PCCB: variants seen among roughly 807,000 people sequenced by gnomAD.
PCCB encodes the protein propionyl-CoA carboxylase beta chain, mitochondrial.
A neutral mutation model predicts 60.7 loss-of-function variants in PCCB; 43 were observed. The ratio of observed to expected loss-of-function variants is 0.71; its 90% CI spans 0.55 to 0.91. The LOEUF (loss-of-function observed/expected upper bound fraction) is 0.91, where lower values mean the gene tolerates loss of function less well. PCCB is among the 40% of genes least tolerant of loss of function. The pLI, the probability that PCCB is intolerant of heterozygous loss-of-function variation, is 0.00. For missense variants in PCCB, 766 were observed against 702.8 expected (o/e 1.09, Z -1.02); for synonymous variants, 276 against 255.9 (o/e 1.08, Z -0.75).
Position 136,255,959 on chromosome 3 carries a change from C to T in PCCB, c.287C>T (p.Ala96Val). 1 of 1,614,098 alleles carries T rather than the reference C, an allele frequency of 6.2e-7. No homozygotes were observed. Among genetic ancestry groups the T allele is most frequent in the South Asian group, 1.1e-5 (1 of 91,082 alleles). The change falls in exon 2 of 15, where the codon GCT (alanine) becomes GTT (valine). Residue 96 changes from alanine (A) to valine (V), a missense_variant. Coordinates refer to ENST00000251654, the MANE Select transcript of PCCB (RefSeq NM_000532.5). Reference sequence around the variant, plus strand: ...CACAGATGTGCAGATTTTGGAATGGCTGCTGATAAGAATAAGGTATTTGTT... The same window carrying T: ...CACAGATGTGCAGATTTTGGAATGGTTGCTGATAAGAATAAGGTATTTGTT... ...VEHRCADFGM[A>V]ADKNKFPGDS...
chr3:136,256,839 C>T (rs559282544), intron 3 of PCCB, among the ~76,000 whole-genome samples: 1 of 152,254 alleles, frequency 6.6e-6, no homozygotes, highest in Non-Finnish European at 1.5e-5. Context: ...AGGGCACTAG[C>T]CTTGTACAAA....
chr3:136,266,965 C>T (rs1279108712), intron 5 of PCCB, among the ~76,000 whole-genome samples: 1 of 152,166 alleles, frequency 6.6e-6, no homozygotes, highest in South Asian at 2.1e-4. Flanking sequence ...TCACTGCAAC[C>T]TCCACTTCCT....
chr3:136,260,667 C>G (rs949570683), intron 4 of PCCB, 132 bp downstream of exon 4: 1 of 761,084 alleles, frequency 1.3e-6, no homozygotes, highest in East Asian at 2.7e-5. Flanking sequence ...GTGCTACCAA[C>G]CCGAAGGGGT....
intron 6 of PCCB, 119 bp downstream of exon 6, chr3:136,284,066 A>T (rs1488529199): frequency 1.4e-6 from 1 of 730,272 alleles, no homozygotes; most frequent in East Asian, 2.6e-5. Flanking sequence ...GGCTTTCAGC[A>T]TAGTGATGAT....
At chr3:136,278,082 C>T (rs988071584) in intron 5 of PCCB, among the ~76,000 whole-genome samples, 1 of 152,158 alleles carries the variant, frequency 6.6e-6, no homozygotes, top group African/African-American at 2.4e-5. Context: ...CTGTGAGGTA[C>T]AATAAAGAAT....
rs1174277062 is a variant in PCCB, at chr3:136,326,924, A to G, written c.1198+14A>G. 2 of 1,522,818 alleles carry G rather than the reference A, an allele frequency of 1.3e-6. No homozygotes were observed. Among genetic ancestry groups the G allele is most frequent in the East Asian group, 4.5e-5 (2 of 44,460 alleles). 94.3% of individuals were successfully genotyped at this position (1,522,818 alleles called of 1,614,324 possible). ...GCTTTCTACCTGGTAAGTTTTTGACAGAGTGGGGGCTAGGAGAGTTGCCTT... is the reference window on the plus strand; with the variant it reads ...GCTTTCTACCTGGTAAGTTTTTGACGGAGTGGGGGCTAGGAGAGTTGCCTT... On this transcript the variant is annotated intron_variant, in intron 11 of 14. Transcript: ENST00000251654.
chr3:136,278,143 C>T (rs780645857), intron 5 of PCCB, among the ~76,000 whole-genome samples: 7 of 152,134 alleles, frequency 4.6e-5, no homozygotes, highest in Non-Finnish European at 7.4e-5. Context: ...AAGCACTTCC[C>T]GCCACTGTTT....
At chr3:136,253,680 T>A (rs1419683763) in intron 1 of PCCB, among the ~76,000 whole-genome samples, 2 of 150,690 alleles carry the variant, frequency 1.3e-5, no homozygotes, top group Non-Finnish European at 3.0e-5. Flanking sequence ...TTTTTTTTTT[T>A]TTTTTCTTGA....
At position 136,327,192 on chromosome 3, in the gene PCCB, T is replaced by C; in HGVS notation, c.1236T>C (p.Gly412=). The part of the protein sequence containing the change: ...AQEYGGIIRH[G]AKLLYAFAEA... ...AATACGGGGGCATCATCCGGCATGG[T>C]GCCAAGCTTCTCTACGCATTTGCTG... The change falls in exon 12 of 15, where the codon GGT becomes GGC. Residue 412 remains glycine (G), a synonymous_variant. Coordinates refer to ENST00000251654, the MANE Select transcript of PCCB (RefSeq NM_000532.5). 1 of 1,614,114 alleles carries C rather than the reference T, an allele frequency of 6.2e-7. No homozygotes were observed. Among genetic ancestry groups the C allele is most frequent in the Non-Finnish European group, 8.5e-7 (1 of 1,179,974 alleles).
chr3:136,328,721 G>A, intron 13 of PCCB, 37 bp from the exon 14 acceptor site: 1 of 1,536,300 alleles, frequency 6.5e-7, no homozygotes, highest in Non-Finnish European at 9.0e-7. Flanking sequence ...TCCAGGTTGG[G>A]ACGACCAAAG....
chr3:136,290,306 G>A (rs1056199706), intron 6 of PCCB, among the ~76,000 whole-genome samples: 5 of 152,096 alleles, frequency 3.3e-5, no homozygotes, highest in Admixed American at 6.6e-5. Context: ...AGAATTCTAG[G>A]TTGGTAGGAT....
chr3:136,292,786 A>C (rs905188377), intron 6 of PCCB, among the ~76,000 whole-genome samples: 2 of 152,194 alleles, frequency 1.3e-5, no homozygotes, highest in Non-Finnish European at 2.9e-5. Context: ...ATATATATAT[A>C]AATGCACATG....
chr3:136,298,633 G>A (rs567947202), intron 8 of PCCB, among the ~76,000 whole-genome samples: 1 of 152,312 alleles, frequency 6.6e-6, no homozygotes, highest in South Asian at 2.1e-4. Context: ...TCCTGGGGAA[G>A]GGTGTGTTGC....
At chr3:136,270,798 G>A (rs1208873338) in intron 5 of PCCB, among the ~76,000 whole-genome samples, 3 of 152,054 alleles carry the variant, frequency 2.0e-5, no homozygotes, top group East Asian at 1.9e-4. Flanking sequence ...GAGCCCCTGC[G>A]CCCGGCTGTT....
At chr3:136,310,114 C>G (rs677825) in intron 9 of PCCB, among the ~76,000 whole-genome samples, 2 of 152,200 alleles carry the variant, frequency 1.3e-5, no homozygotes, top group African/African-American at 4.8e-5. Context: ...CCTGTAATCC[C>G]GCACTTTGGG....
At chr3:136,263,888 T>A (rs2108149787) in intron 5 of PCCB, among the ~76,000 whole-genome samples, 1 of 152,160 alleles carries the variant, frequency 6.6e-6, no homozygotes, top group South Asian at 2.1e-4. Context: ...GGCACATGCC[T>A]GTAATCCCAA....
intron 8 of PCCB, 65 bp from the exon 9 acceptor site, chr3:136,300,965 C>A: frequency 8.3e-7 from 1 of 1,209,976 alleles, no homozygotes; most frequent in Non-Finnish European, 1.2e-6. Context: ...CTTTCCCACC[C>A]CATTCCCACA....
chr3:136,269,086 G>T lies in PCCB; in HGVS notation c.543+7021G>T, dbSNP rs1298999945. ...ACCTGAGGTCACAAGTTCGAGACTA[G>T]CCTGGCTAACATAGTGAAACCCTGT... On this transcript the variant is annotated intron_variant, in intron 5 of 14. Coordinates refer to ENST00000251654, the MANE Select transcript of PCCB (RefSeq NM_000532.5). Among the ~76,000 whole-genome samples, 6 of 152,188 alleles carry T rather than the reference G, an allele frequency of 3.9e-5. No homozygotes were observed. The East Asian group carries it at 9.7e-4, about 25-fold the overall frequency.
intron 3 of PCCB, among the ~76,000 whole-genome samples, chr3:136,259,764 T>G (rs1023697491): frequency 6.6e-6 from 1 of 152,210 alleles, no homozygotes; most frequent in Non-Finnish European, 1.5e-5. Flanking sequence ...ATGTATGTAT[T>G]TTTTTAAATA....
Sources: allele counts gnomAD v4.1 joint callset (sites outside exome capture counted in the v4.1 genomes callset), GRCh38; gene constraint gnomAD v4.1.1; transcripts MANE v1.5; gene names NCBI Gene and HGNC (gene_info 2026-07-23, HGNC 2026-07-21).